Variants in OSBPL1A observed in about 807,000 individuals in gnomAD.
OSBPL1A encodes oxysterol-binding protein-related protein 1.
A neutral mutation model predicts 137.1 loss-of-function variants in OSBPL1A; 80 were observed. That is an observed-to-expected ratio of 0.58 (90% CI 0.49 to 0.70). The LOEUF (loss-of-function observed/expected upper bound fraction) is 0.70. OSBPL1A is among the 30% of genes least tolerant of loss of function. The probability of loss-of-function intolerance (pLI) is 0.00; values close to 1 mark genes in which losing one functional copy is unlikely to be tolerated. For synonymous variants in OSBPL1A, 365 were observed against 389.7 expected (o/e 0.94, Z 0.75); for missense variants, 970 against 1,129.4 (o/e 0.86, Z 2.02).
At chr18:24,264,106 C>T (rs2089510036) in intron 15 of OSBPL1A, among the ~76,000 whole-genome samples, 2 of 152,184 alleles carry the variant, frequency 1.3e-5, no homozygotes, top group Non-Finnish European at 2.9e-5. Context: ...AATTACAATA[C>T]AGTTCCCAAT....
At chr18:24,382,639 A>G (rs1033148365) in intron 1 of OSBPL1A, among the ~76,000 whole-genome samples, 2 of 151,878 alleles carry the variant, frequency 1.3e-5, no homozygotes, top group Non-Finnish European at 2.9e-5. Flanking sequence ...GCACTTTGGG[A>G]GGCCGAGGTG....
chr18:24,164,420 GTTTTTTTTTTT>G (rs35343209), intron 27 of OSBPL1A, among the ~76,000 whole-genome samples: 1 of 95,970 alleles, frequency 1.0e-5, no homozygotes, highest in Non-Finnish European at 1.9e-5. Flanking sequence ...GAGATTTTTG[GTTTTTTTTTTT>G]TTTTTTTTTT....
At position 24,239,305 on chromosome 18, in the gene OSBPL1A, T is replaced by G. The variant is rs1386515185; in HGVS notation, c.1359A>C (p.Glu453Asp). ...CCAGAGACTGCTCTAATTCATGATGTTCAGTGGCCAGCGTCTCCAGTGCTT... is the reference window on the plus strand; with the variant it reads ...CCAGAGACTGCTCTAATTCATGATGGTCAGTGGCCAGCGTCTCCAGTGCTT... ...LSEALETLAT[E>D]HHELEQSLVK... Residue 453 changes from glutamate (E) to aspartate (D), a missense_variant, in exon 16 of 28, where the codon GAA (glutamate) becomes GAC (aspartate). By Grantham distance (45) the Glu-to-Asp change is conservative. This residue lies in a region of OSBPL1A where 647 missense variants were observed against 672.6 expected (regional missense o/e 0.96). Coordinates refer to ENST00000319481, the MANE Select transcript of OSBPL1A (RefSeq NM_080597.4). 4 of 1,614,154 alleles carry G rather than the reference T, an allele frequency of 2.5e-6. No homozygotes were observed. The highest frequency in any genetic ancestry group is 2.5e-6 in the Non-Finnish European group (3 of 1,180,006).
At chr18:24,330,020 G>T (rs1028352823) in intron 7 of OSBPL1A, among the ~76,000 whole-genome samples, 1 of 152,176 alleles carries the variant, frequency 6.6e-6, no homozygotes, top group Admixed American at 6.5e-5. Context: ...GTACTTAAAT[G>T]TAACCTGGCT....
At chr18:24,166,507 C>G in intron 26 of OSBPL1A, 72 bp downstream of exon 26, 2 of 1,527,256 alleles carry the variant, frequency 1.3e-6, no homozygotes, top group Non-Finnish European at 1.8e-6. Context: ...TGCTAACAAT[C>G]ACCAGGAATA....
intron 1 of OSBPL1A, among the ~76,000 whole-genome samples, chr18:24,382,367 A>T (rs1336347005): frequency 6.9e-6 from 1 of 144,914 alleles, no homozygotes; most frequent in Non-Finnish European, 1.5e-5. Context: ...AGATTGTGCC[A>T]CCGCACTCTA....
chr18:24,216,383 T>G (rs1490234817), intron 17 of OSBPL1A, among the ~76,000 whole-genome samples: 2 of 152,312 alleles, frequency 1.3e-5, no homozygotes, highest in African/African-American at 4.8e-5. Flanking sequence ...AGCGTGTGCC[T>G]GCAGTCCCAG....
rs149315820 is a variant in OSBPL1A at position 24,317,150 on chromosome 18, G to A, written c.869C>T (p.Thr290Met). ...GCKHLTQAVC[T>M]VKSTDSCLFF... ...CAAATGATCCATGTTTCATCCTACC[G>A]TGCATACTGCTTGAGTCAGGTGTTT... is the stretch of plus-strand genomic sequence containing the variant. The change falls in exon 11 of 28, where the codon ACG (threonine) becomes ATG (methionine). Residue 290 changes from threonine (T) to methionine (M), a missense_variant and splice_region_variant. By Grantham distance (81) the Thr-to-Met change is moderately conservative. This residue lies in a region of OSBPL1A where 647 missense variants were observed against 672.6 expected (regional missense o/e 0.96). Coordinates refer to ENST00000319481, the MANE Select transcript of OSBPL1A (RefSeq NM_080597.4). 1.0e-3 allele frequency: 1,616 copies of A among 1,613,562 alleles called. 2 individuals are homozygous for A. Among genetic ancestry groups the A allele is most frequent in the Non-Finnish European group, 1.1e-3 (1,334 of 1,179,756 alleles).
intron 11 of OSBPL1A, among the ~76,000 whole-genome samples, chr18:24,315,931 A>G (rs2090727396): frequency 7.2e-6 from 1 of 138,168 alleles, no homozygotes; most frequent in South Asian, 2.1e-4. Flanking sequence ...TTATATAATA[A>G]TAATATTAAT....
At chr18:24,336,918 TG>T (rs1452602894) in intron 5 of OSBPL1A, among the ~76,000 whole-genome samples, 2 of 152,214 alleles carry the variant, frequency 1.3e-5, no homozygotes, top group African/African-American at 4.8e-5. Flanking sequence ...TAGTGGTAAA[TG>T]GGGTATTTAC....
intron 13 of OSBPL1A, among the ~76,000 whole-genome samples, chr18:24,307,683 A>G (rs2090528918): frequency 2.6e-5 from 4 of 152,238 alleles, no homozygotes; most frequent in African/African-American, 4.8e-5. Context: ...GCATATATAC[A>G]TCTGCCTCAT....
At chr18:24,343,317 A>C (rs1486156604) in intron 4 of OSBPL1A, among the ~76,000 whole-genome samples, 2 of 152,194 alleles carry the variant, frequency 1.3e-5, no homozygotes, top group African/African-American at 4.8e-5. Flanking sequence ...CTGCTGAAAG[A>C]AATGTAAAAT....
chr18:24,324,603 T>TTA lies in OSBPL1A; in HGVS notation c.626-5795_626-5794insTA, dbSNP rs1568028205. Among the ~76,000 whole-genome samples, 6 of 5,654 alleles carry TTA rather than the reference T, an allele frequency of 1.1e-3. 1 individual carries two copies. The highest frequency in any genetic ancestry group is 7.7e-3 in the African/African-American group (5 of 650). The allele number at this position is 5,654 out of a possible 152,430, so 3.7% of individuals were successfully genotyped here. ...CCCAATAAAAACATGAATATGAATA[T>TTA]AAAAAAAAAAAAAAAAAAAAAAAAA... On this transcript the variant is annotated intron_variant, in intron 7 of 27. Coordinates refer to ENST00000319481, the MANE Select transcript of OSBPL1A (RefSeq NM_080597.4).
chr18:24,375,937 C>T (rs1906084594), intron 2 of OSBPL1A, among the ~76,000 whole-genome samples: 2 of 152,132 alleles, frequency 1.3e-5, no homozygotes, highest in Admixed American at 1.3e-4. Flanking sequence ...TAAGGCGGCG[C>T]GTCTGGAGTT....
At chr18:24,396,896 A>G (rs1403310773) in intron 1 of OSBPL1A, among the ~76,000 whole-genome samples, 2 of 152,348 alleles carry the variant, frequency 1.3e-5, no homozygotes, top group South Asian at 2.1e-4. Context: ...GGGAAAACAC[A>G]TCACCGATTT....
chr18:24,257,499 A>C (rs576184623), intron 15 of OSBPL1A, among the ~76,000 whole-genome samples: 38 of 152,338 alleles, frequency 2.5e-4, no homozygotes, highest in African/African-American at 8.4e-4. Flanking sequence ...TAAGGACTTA[A>C]ATCTAAGACC....
At chr18:24,267,546 C>A (rs1264283234) in intron 15 of OSBPL1A, among the ~76,000 whole-genome samples, 1 of 151,962 alleles carries the variant, frequency 6.6e-6, no homozygotes, top group Non-Finnish European at 1.5e-5. Context: ...CAAAGGAAAC[C>A]AAATTGAGAA....
chr18:24,225,323 C>T (rs2088039724), intron 16 of OSBPL1A, 125 bp from the exon 17 acceptor site: 6 of 889,804 alleles, frequency 6.7e-6, no homozygotes, highest in Non-Finnish European at 1.0e-5. Flanking sequence ...CTCAACAATC[C>T]ATCTGTTAAC....
intron 2 of OSBPL1A, among the ~76,000 whole-genome samples, chr18:24,370,282 C>A (rs977777013): frequency 1.3e-5 from 2 of 152,220 alleles, no homozygotes. Flanking sequence ...CACATCACAG[C>A]TCCTCCTTTG....
Sources: allele counts gnomAD v4.1 joint callset (sites outside exome capture counted in the v4.1 genomes callset), GRCh38; gene constraint gnomAD v4.1.1; regional missense constraint gnomAD v4.1.1; transcripts MANE v1.5; gene names NCBI Gene and HGNC (gene_info 2026-07-23, HGNC 2026-07-21).